The following SLC24A4 variants were observed in gnomAD, a reference collection of about 807,000 sequenced individuals.
SLC24A4 encodes solute carrier family 24 member 4.
A neutral mutation model predicts 79.0 loss-of-function variants in SLC24A4; 53 were observed. The ratio of observed to expected loss-of-function variants is 0.67; its 90% confidence interval spans 0.54 to 0.84. The LOEUF (loss-of-function observed/expected upper bound fraction) is 0.84, where lower values mean the gene tolerates loss of function less well. SLC24A4 is among the 40% of genes least tolerant of loss of function. SLC24A4 has a pLI of 0.00. For synonymous variants in SLC24A4, 323 were observed against 323.8 expected (o/e 1.00, Z 0.03); for missense variants, 731 against 822.0 (o/e 0.89, Z 1.35).
At chr14:92,390,293 C>T (rs1425487824) in intron 2 of SLC24A4, among the ~76,000 whole-genome samples, 2 of 152,006 alleles carry the variant, frequency 1.3e-5, no homozygotes, top group African/African-American at 4.8e-5. Flanking sequence ...CGCCATCTCG[C>T]CTGCATCGAG....
chr14:92,401,168 T>A (rs1041064798), intron 2 of SLC24A4, among the ~76,000 whole-genome samples: 1 of 152,092 alleles, frequency 6.6e-6, no homozygotes, highest in African/African-American at 2.4e-5. Context: ...CCCTGCCTCT[T>A]AGAGTTGACT....
chr14:92,355,225 A>C (rs560874654), intron 2 of SLC24A4, among the ~76,000 whole-genome samples: 1 of 152,290 alleles, frequency 6.6e-6, no homozygotes, highest in Admixed American at 6.5e-5. Flanking sequence ...TATGTGAGCC[A>C]AGATGTGAAG....
At chr14:92,420,086 C>T (rs547468284) in intron 2 of SLC24A4, among the ~76,000 whole-genome samples, 17 of 152,314 alleles carry the variant, frequency 1.1e-4, no homozygotes, top group South Asian at 8.3e-4. Flanking sequence ...CTGTCACAGA[C>T]GCCGGGAGGA....
chr14:92,483,629 C>A, intron 13 of SLC24A4: 1 of 772,578 alleles, frequency 1.3e-6, no homozygotes. Context: ...GTAAACCTTT[C>A]ATCGGCTGGG....
chr14:92,447,609 G>A (rs1306760891), intron 9 of SLC24A4, among the ~76,000 whole-genome samples, 185 bp downstream of exon 9: 7 of 152,158 alleles, frequency 4.6e-5, no homozygotes. Flanking sequence ...TGCTGTTCCG[G>A]GGGTGCCGTC....
chr14:92,322,824 G>C (rs921688349), upstream of SLC24A4, among the ~76,000 whole-genome samples: 1 of 152,124 alleles, frequency 6.6e-6, no homozygotes, highest in Non-Finnish European at 1.5e-5. Flanking sequence ...GCGGGGCCTC[G>C]GGTCGGCTCG....
chr14:92,385,705 G>A (rs917200945), intron 2 of SLC24A4, among the ~76,000 whole-genome samples: 8 of 152,054 alleles, frequency 5.3e-5, no homozygotes, highest in African/African-American at 1.7e-4. Flanking sequence ...GATGCACTCT[G>A]GGGCTTCTGC....
chr14:92,461,420 G>A (rs1263068262), intron 12 of SLC24A4, among the ~76,000 whole-genome samples: 1 of 152,160 alleles, frequency 6.6e-6, no homozygotes, highest in Non-Finnish European at 1.5e-5. Flanking sequence ...CTTAAACAAC[G>A]GAAATGTATT....
rs1889908604 is a variant in SLC24A4 at position 92,398,550 on chromosome 14, C to T, written c.242-35362C>T. On this transcript the variant is annotated intron_variant, in intron 2 of 16. Transcript: ENST00000532405. The surrounding 1 kb of genome is among the most constrained non-coding windows in gnomAD (Gnocchi z 4.1). ...TCTCTTTCCTGAAGTTTTCTGTGCC[C>T]TAAGAAAAAGCCTGTTAGCCTCAGC... Among the ~76,000 whole-genome samples, 1 of 152,192 alleles carries T rather than the reference C, an allele frequency of 6.6e-6. No homozygotes were observed. Among genetic ancestry groups the T allele is most frequent in the Non-Finnish European group, 1.5e-5 (1 of 68,044 alleles).
At chr14:92,446,568 C>T (rs1229475690) in intron 8 of SLC24A4, among the ~76,000 whole-genome samples, 2 of 152,176 alleles carry the variant, frequency 1.3e-5, no homozygotes, top group Non-Finnish European at 2.9e-5. Context: ...GCTGTGTGGC[C>T]CCAGGAAAGC....
chr14:92,389,655 G>A (rs1369686273), intron 2 of SLC24A4, among the ~76,000 whole-genome samples: 1 of 152,190 alleles, frequency 6.6e-6, no homozygotes, highest in Non-Finnish European at 1.5e-5. Flanking sequence ...AGGTTGAAGG[G>A]TCTGATACTT....
intron 2 of SLC24A4, among the ~76,000 whole-genome samples, chr14:92,352,312 A>G (rs1305039241): frequency 2.0e-5 from 3 of 152,164 alleles, no homozygotes; most frequent in Non-Finnish European, 2.9e-5. Flanking sequence ...CTACCTAAGC[A>G]GAGAGAGAGA....
Position 92,362,406 on chromosome 14 carries a change from G to C in SLC24A4, c.241+36428G>C, listed in dbSNP as rs139979294. On this transcript the variant is annotated intron_variant, in intron 2 of 16. Transcript: ENST00000532405. Reference sequence around the variant, plus strand: ...TTCCCATCTCTCCAGTTCCTCTCCTGTCAGTCCCCCCAATGTTCACCTCTT... The same window carrying C: ...TTCCCATCTCTCCAGTTCCTCTCCTCTCAGTCCCCCCAATGTTCACCTCTT... 5.3e-5 allele frequency among the ~76,000 whole-genome samples: 8 copies of C among 152,200 alleles called. No homozygotes were observed. In the East Asian group the frequency reaches 1.4e-3, roughly 26 times the overall value.
intron 2 of SLC24A4, among the ~76,000 whole-genome samples, chr14:92,384,225 G>A (rs1889020117): frequency 6.6e-6 from 1 of 152,082 alleles, no homozygotes; most frequent in Admixed American, 6.5e-5. Context: ...CATAAGAAAG[G>A]AAAATGACAG....
At chr14:92,381,657 G>A (rs4444267) in intron 2 of SLC24A4, among the ~76,000 whole-genome samples, 44,333 of 152,090 alleles carry the variant, frequency 0.29, 7,687 homozygotes, top group East Asian at 0.69. Context: ...CCTTTGCACA[G>A]TAGTTTTAAG....
At chr14:92,412,301 G>T (rs1890761719) in intron 2 of SLC24A4, among the ~76,000 whole-genome samples, 1 of 152,178 alleles carries the variant, frequency 6.6e-6, no homozygotes, top group African/African-American at 2.4e-5. Context: ...CTGTCTCTCA[G>T]CTGGAACTGT....
chr14:92,482,935 C>A, intron 13 of SLC24A4, 89 bp downstream of exon 13: 2 of 1,360,198 alleles, frequency 1.5e-6, no homozygotes, highest in Non-Finnish European at 2.0e-6. Context: ...TACTGCTGTG[C>A]CACCTTTGGG....
intron 2 of SLC24A4, among the ~76,000 whole-genome samples, chr14:92,372,920 T>TTCCTTCCTTCCTTCCTTCCTTCCTTC (rs1220049614): frequency 1.2e-5 from 1 of 83,576 alleles, no homozygotes; most frequent in Non-Finnish European, 2.5e-5. Context: ...TTCCTTCCTT[T>TTCCTTCCTTCCTTCCTTCCTTCCTTC]CTTTCTCTTT....
intron 1 of SLC24A4, among the ~76,000 whole-genome samples, chr14:92,325,454 A>G (rs7153084): frequency 5.4e-4 from 82 of 152,346 alleles, no homozygotes; most frequent in African/African-American, 1.8e-3. Context: ...TGTGAGGAGC[A>G]CTGGGCCAGA....
Sources: allele counts gnomAD v4.1 joint callset (sites outside exome capture counted in the v4.1 genomes callset), GRCh38; gene constraint gnomAD v4.1.1; non-coding constraint Gnocchi (gnomAD v3.1); transcripts MANE v1.5; gene names NCBI Gene and HGNC (gene_info 2026-07-23, HGNC 2026-07-21).